CELF2: variants seen among roughly 807,000 people sequenced by gnomAD.
The protein encoded by CELF2 is CUGBP Elav-like family member 2.
Under a neutral mutation model 62.6 loss-of-function variants are expected in CELF2, and 8 were observed. The observed-to-expected ratio is 0.13, with a 90% CI of 0.07 to 0.23. The LOEUF is 0.23. CELF2 is among the 10% of genes least tolerant of loss of function. The probability of loss-of-function intolerance (pLI) is 1.00; values close to 1 mark genes in which losing one functional copy is unlikely to be tolerated. For synonymous variants in CELF2, 258 were observed against 250.0 expected (o/e 1.03, Z -0.30); for missense variants, 333 against 671.0 (o/e 0.50, Z 5.56).
the CELF2 span, among the ~76,000 whole-genome samples, chr10:10,700,282 A>G: frequency 6.6e-6 from 1 of 152,204 alleles, no homozygotes; most frequent in African/African-American, 2.4e-5. Flanking sequence ...GAAAAGAAGA[A>G]AGGGAGGCCC....
In CELF2 at chr10:11,330,221, C is replaced by G. The variant is rs1419307223; in HGVS notation, c.*1168C>G. On this transcript the variant is annotated 3_prime_UTR_variant, in exon 13 of 13. Coordinates refer to ENST00000633077, the MANE Select transcript of CELF2 (RefSeq NM_001326342.2). The surrounding 1 kb of genome is among the most constrained non-coding windows in gnomAD (Gnocchi z 4.5). ...TTGAAACTGGACCTTCTCCCCCTGT[C>G]CCTCACCCCAAAACACCCGGAATCC... The G allele has an allele frequency of 6.6e-6, 1 of 152,600 alleles. No individual in the cohort carries two copies. The allele number at this position is 152,600 out of a possible 1,614,324, so 9.5% of individuals were successfully genotyped here.
the CELF2 span, among the ~76,000 whole-genome samples, chr10:10,578,935 A>T: frequency 6.6e-6 from 1 of 152,186 alleles, no homozygotes; most frequent in Non-Finnish European, 1.5e-5. Flanking sequence ...TAGCTCATGC[A>T]TGTTGGGACT....
At chr10:10,942,725 G>T (rs189217042) in intron 2 of CELF2, among the ~76,000 whole-genome samples, 1 of 152,318 alleles carries the variant, frequency 6.6e-6, no homozygotes, top group Non-Finnish European at 1.5e-5. Context: ...GGCCATTTTA[G>T]ATGCTTTATA....
At chr10:11,009,005 CGGGG>C (rs59251408) in intron 1 of CELF2, among the ~76,000 whole-genome samples, 21,683 of 66,242 alleles carry the variant, frequency 0.33, 5,120 homozygotes, top group African/African-American at 0.59. Flanking sequence ...GGGGAATTTG[CGGGG>C]GGGGGGGGGG....
At chr10:11,131,236 G>A (rs1014647106) in intron 1 of CELF2, among the ~76,000 whole-genome samples, 1 of 152,232 alleles carries the variant, frequency 6.6e-6, no homozygotes, top group Non-Finnish European at 1.5e-5. Flanking sequence ...GTGGCCTTAA[G>A]AGTGTCATAC....
the CELF2 span, among the ~76,000 whole-genome samples, chr10:10,693,849 G>C: frequency 6.6e-6 from 1 of 151,424 alleles, no homozygotes; most frequent in Non-Finnish European, 1.5e-5. Flanking sequence ...CGTGGGATCA[G>C]TAGTGATATC....
chr10:10,658,685 T>C, the CELF2 span, among the ~76,000 whole-genome samples: 1 of 152,206 alleles, frequency 6.6e-6, no homozygotes, highest in East Asian at 1.9e-4. Flanking sequence ...TCAAACCTAA[T>C]AAAATACATT....
intron 2 of CELF2, chr10:10,946,750 A>G (rs2047727391): frequency 6.6e-6 from 1 of 152,180 alleles, no homozygotes; most frequent in African/African-American, 2.4e-5. Flanking sequence ...CCATTTAGAG[A>G]TGAGGTATAG....
chr10:11,118,009 A>G (rs1165511840), intron 1 of CELF2, among the ~76,000 whole-genome samples: 3 of 152,210 alleles, frequency 2.0e-5, no homozygotes, highest in Non-Finnish European at 4.4e-5. Context: ...TTTTTAAAAA[A>G]CAAAAGGGTA....
chr10:10,664,646 G>C, the CELF2 span, among the ~76,000 whole-genome samples: 1 of 152,210 alleles, frequency 6.6e-6, no homozygotes, highest in Non-Finnish European at 1.5e-5. Flanking sequence ...AAAGTGGCTA[G>C]ATAGAAATCA....
intron 1 of CELF2, among the ~76,000 whole-genome samples, chr10:11,027,946 C>T (rs765210878): frequency 2.1e-4 from 32 of 152,160 alleles, no homozygotes; most frequent in Non-Finnish European, 4.0e-4. Flanking sequence ...TAAAACTGGC[C>T]GCAAGTTCCC....
At chr10:10,692,039 T>C in the CELF2 span, among the ~76,000 whole-genome samples, 3 of 151,308 alleles carry the variant, frequency 2.0e-5, no homozygotes, top group Admixed American at 2.0e-4. Context: ...AATTTTGTCT[T>C]TTGTTGCCAT....
chr10:10,969,702 A>G (rs975647532), intron 2 of CELF2, among the ~76,000 whole-genome samples: 1 of 152,188 alleles, frequency 6.6e-6, no homozygotes, highest in African/African-American at 2.4e-5. Flanking sequence ...CATATCAAAT[A>G]TAGATGCATT....
At chr10:10,517,830 T>G in the CELF2 span, among the ~76,000 whole-genome samples, 89 of 152,352 alleles carry the variant, frequency 5.8e-4, no homozygotes, top group African/African-American at 2.1e-3. Flanking sequence ...GTTTGCTCTT[T>G]GCAAAGAGCT....
the CELF2 span, among the ~76,000 whole-genome samples, chr10:10,702,558 C>A: frequency 6.6e-6 from 1 of 152,148 alleles, no homozygotes; most frequent in Non-Finnish European, 1.5e-5. Context: ...CTTTTGCAGA[C>A]CCATTTTGGG....
At chr10:10,769,939 C>T in the CELF2 span, among the ~76,000 whole-genome samples, 2 of 152,090 alleles carry the variant, frequency 1.3e-5, no homozygotes, top group African/African-American at 4.8e-5. Flanking sequence ...TGCTGTACCA[C>T]TGGAGTTGTC....
At chr10:10,714,973 A>C in the CELF2 span, among the ~76,000 whole-genome samples, 7 of 152,188 alleles carry the variant, frequency 4.6e-5, no homozygotes, top group Non-Finnish European at 8.8e-5. Flanking sequence ...GACTTTATTA[A>C]AGAGTTCTCC....
chr10:11,040,469 G>A (rs2061643347), intron 1 of CELF2, among the ~76,000 whole-genome samples: 1 of 152,066 alleles, frequency 6.6e-6, no homozygotes, highest in Admixed American at 6.6e-5. Context: ...TAATTATGGA[G>A]CCTAGAACTC....
the CELF2 span, among the ~76,000 whole-genome samples, chr10:10,619,589 C>G: frequency 6.6e-6 from 1 of 152,192 alleles, no homozygotes; most frequent in African/African-American, 2.4e-5. Context: ...CTTCCATGTT[C>G]CCTATGGTCT....
Sources: gnomAD v4.1 joint callset for allele counts (sites outside exome capture counted in the v4.1 genomes callset) on GRCh38, gnomAD v4.1.1 for gene constraint, Gnocchi (gnomAD v3.1) non-coding constraint, MANE v1.5 for transcripts, NCBI Gene and HGNC (gene_info 2026-07-23, HGNC 2026-07-21) for gene names.